Variants in FAAH2 observed in about 807,000 individuals in gnomAD.
The protein encoded by FAAH2 is fatty-acid amide hydrolase 2.
In FAAH2, 60 loss-of-function variants were observed where a neutral mutation model predicts 36.9. The ratio of observed to expected loss-of-function variants is 1.63; its 90% CI spans 1.32 to 2.02. The LOEUF (loss-of-function observed/expected upper bound fraction) is 2.02. Among genes scored for constraint, FAAH2 ranks in the 30% most tolerant of loss-of-function variants. FAAH2 has a pLI of 0.00. For missense variants in FAAH2, 689 were observed against 397.5 expected, an observed-to-expected ratio of 1.73 and a Z score of -6.23; for synonymous variants, 214 against 143.8, an observed-to-expected ratio of 1.49 and a Z score of -3.49.
At chrX:57,300,881 C>T (rs1449089343) in intron 2 of FAAH2, among the ~76,000 whole-genome samples, 5 of 112,193 alleles carry the variant, frequency 4.5e-5, no homozygotes, top group Non-Finnish European at 7.5e-5. Flanking sequence ...CACTGGCCAT[C>T]AGAGAAATGC....
At chrX:57,282,167 C>T (rs779224427), upstream of FAAH2, among the ~76,000 whole-genome samples, 5 of 112,255 alleles carry the variant, frequency 4.5e-5, no homozygotes, top group South Asian at 1.8e-3. Flanking sequence ...AATGGTTGAA[C>T]TAACTTATAT....
At chrX:57,142,047 C>T in the FAAH2 span, among the ~76,000 whole-genome samples, 5 of 111,392 alleles carry the variant, frequency 4.5e-5, no homozygotes, top group Admixed American at 9.5e-5. Context: ...GTCATGTTTT[C>T]AAAAAGCCAG....
At chrX:57,123,272 G>A in the FAAH2 span, among the ~76,000 whole-genome samples, 5 of 111,418 alleles carry the variant, frequency 4.5e-5, no homozygotes, top group African/African-American at 6.5e-5. Context: ...TTGTCCTTGC[G>A]ATAGTTTGCT....
chrX:57,300,865 C>T (rs1466205735), intron 2 of FAAH2, among the ~76,000 whole-genome samples: 1 of 112,217 alleles, frequency 8.9e-6, no homozygotes, highest in African/African-American at 3.2e-5. Flanking sequence ...AAAAAATGCT[C>T]ATCATCACTG....
At chrX:57,138,397 A>G in the FAAH2 span, among the ~76,000 whole-genome samples, 1 of 110,317 alleles carries the variant, frequency 9.1e-6, no homozygotes, top group African/African-American at 3.3e-5. Flanking sequence ...GTTAATCTTA[A>G]TCTATGGTGG....
the FAAH2 span, among the ~76,000 whole-genome samples, chrX:57,171,517 T>C: frequency 8.9e-6 from 1 of 112,002 alleles, no homozygotes; most frequent in East Asian, 2.8e-4. Flanking sequence ...TTAGTGATGA[T>C]GAACATTTTT....
At chrX:57,394,278 T>C in intron 7 of FAAH2, 1 of 874,005 alleles carries the variant, frequency 1.1e-6, no homozygotes, top group Non-Finnish European at 1.7e-6. Flanking sequence ...AGCCCGATTG[T>C]AGTCGTGCTT....
intron 5 of FAAH2, among the ~76,000 whole-genome samples, chrX:57,361,856 G>A (rs748115307): frequency 1.8e-5 from 2 of 110,951 alleles, no homozygotes; most frequent in South Asian, 7.6e-4. Context: ...CCCTCATCTT[G>A]TTTGTCTGGA....
At chrX:57,184,970 T>C in the FAAH2 span, among the ~76,000 whole-genome samples, 2 of 111,309 alleles carry the variant, frequency 1.8e-5, no homozygotes, top group Admixed American at 1.9e-4. Flanking sequence ...AAATAGTAGG[T>C]GTATATATTT....
chrX:57,468,367 G>A (rs1358665282), intron 10 of FAAH2, among the ~76,000 whole-genome samples: 3 of 111,376 alleles, frequency 2.7e-5, no homozygotes, highest in African/African-American at 9.8e-5. Context: ...TAGATGAATG[G>A]CTAACTAGAA....
upstream of FAAH2, among the ~76,000 whole-genome samples, chrX:57,282,204 C>G (rs1289935760): frequency 8.9e-6 from 1 of 111,937 alleles, no homozygotes; most frequent in Non-Finnish European, 1.9e-5. Context: ...TAAGCTTTCC[C>G]TTTTCTGTAC....
chrX:57,457,759 C>T (rs1465007216), intron 10 of FAAH2, among the ~76,000 whole-genome samples: 1 of 103,852 alleles, frequency 9.6e-6, no homozygotes, highest in African/African-American at 3.5e-5. Context: ...AAGATCTTTA[C>T]AAGCAGAACT....
At chrX:57,294,155 G>T (rs957208557) in intron 2 of FAAH2, among the ~76,000 whole-genome samples, 3 of 111,742 alleles carry the variant, frequency 2.7e-5, no homozygotes, top group African/African-American at 9.8e-5. Flanking sequence ...CTCAGTGTTA[G>T]CTCTTTTATT....
intron 10 of FAAH2, chrX:57,452,097 CT>C (rs2056794600): frequency 1.4e-6 from 1 of 710,064 alleles, no homozygotes; most frequent in Non-Finnish European, 1.7e-6. Flanking sequence ...CAAAAGTGGC[CT>C]TTCACTGGCT....
intron 3 of FAAH2, among the ~76,000 whole-genome samples, chrX:57,324,754 G>A (rs186458628): frequency 1.5e-3 from 164 of 112,105 alleles, no homozygotes; most frequent in African/African-American, 5.0e-3. Context: ...AGATGATGGG[G>A]TTTTCTAAAT....
At chrX:57,419,781 G>T (rs1367653400) in intron 7 of FAAH2, among the ~76,000 whole-genome samples, 1 of 111,843 alleles carries the variant, frequency 8.9e-6, no homozygotes, top group Admixed American at 9.5e-5. Context: ...TTTTAGACAT[G>T]AAGTCCTTGC....
intron 7 of FAAH2, among the ~76,000 whole-genome samples, chrX:57,417,639 C>T (rs983897862): frequency 9.0e-6 from 1 of 111,580 alleles, no homozygotes; most frequent in African/African-American, 3.3e-5. Context: ...ATGCCAGCCA[C>T]ATGTGTCCTG....
At chrX:57,234,028 T>G in the FAAH2 span, among the ~76,000 whole-genome samples, 5 of 113,006 alleles carry the variant, frequency 4.4e-5, no homozygotes, top group Non-Finnish European at 9.4e-5. Context: ...GCATTTAAAT[T>G]TGAACTTTGG....
chrX:57,126,555 A>G, the FAAH2 span, among the ~76,000 whole-genome samples: 8 of 112,316 alleles, frequency 7.1e-5, no homozygotes, highest in Non-Finnish European at 1.3e-4. Context: ...TCAGCTTACT[A>G]TCATCAATAG....
Sources: gnomAD v4.1 joint callset for allele counts (sites outside exome capture counted in the v4.1 genomes callset) on GRCh38, gnomAD v4.1.1 for gene constraint, MANE v1.5 for transcripts, NCBI Gene and HGNC (gene_info 2026-07-23, HGNC 2026-07-21) for gene names.